FIG4: variants seen among roughly 807,000 people sequenced by gnomAD.
The protein encoded by FIG4 is FIG4 phosphoinositide 5-phosphatase, also known as polyphosphoinositide phosphatase.
In FIG4, 112 loss-of-function variants were observed where a neutral mutation model predicts 118.6. That is an observed-to-expected ratio of 0.94 (90% CI 0.81 to 1.11). The LOEUF is 1.11. Ranked by LOEUF, FIG4 falls within the 50% of genes least tolerant of loss-of-function variation. The pLI is 0.00. For missense variants in FIG4, 969 were observed against 1,111.7 expected, an observed-to-expected ratio of 0.87 and a Z score of 1.83; for synonymous variants, 369 against 381.2, an observed-to-expected ratio of 0.97 and a Z score of 0.37.
At chr6:109,737,219 G>A (rs1776184864) in intron 6 of FIG4, among the ~76,000 whole-genome samples, 1 of 152,138 alleles carries the variant, frequency 6.6e-6, no homozygotes, top group South Asian at 2.1e-4. Context: ...ATAAGAAATG[G>A]AGTGAGGGTA....
chr6:109,774,970 AT>A (rs964543319), intron 15 of FIG4, among the ~76,000 whole-genome samples: 2 of 152,094 alleles, frequency 1.3e-5, no homozygotes, highest in African/African-American at 4.8e-5. Context: ...TCAAAAATGA[AT>A]TTTTTTCTCT....
chr6:109,710,715 A>T (rs1775230971), intron 1 of FIG4, among the ~76,000 whole-genome samples: 1 of 152,078 alleles, frequency 6.6e-6, no homozygotes. Context: ...GGGACGGTGT[A>T]TATGTCCAGG....
chr6:109,787,250 T>C (rs186091211), intron 18 of FIG4, among the ~76,000 whole-genome samples: 1 of 152,334 alleles, frequency 6.6e-6, no homozygotes, highest in East Asian at 1.9e-4. Context: ...TTACTTGTTA[T>C]ATTTTATACT....
Position 109,776,799 on chromosome 6 carries a change from T to C in FIG4, c.1751-123T>C. 4.0e-6 allele frequency: 3 copies of C among 754,380 alleles called. No homozygotes were observed. In the South Asian group the frequency reaches 4.6e-5, roughly 12 times the overall value. 46.7% of individuals were successfully genotyped at this position (754,380 alleles called of 1,614,324 possible). A position where few individuals can be genotyped will look rare whatever the true frequency, so the allele number is the denominator to read the frequency against. On this transcript the variant is annotated intron_variant, in intron 15 of 22. Transcript: ENST00000230124. ...CTTATGTGTGTGTGTATGAAGTATT[T>C]GTATTTGTATGTATTTGAACTATAA...
intron 16 of FIG4, among the ~76,000 whole-genome samples, chr6:109,782,387 A>C (rs1002676294): frequency 3.3e-5 from 5 of 152,206 alleles, no homozygotes; most frequent in African/African-American, 1.2e-4. Flanking sequence ...CTCACCCAAA[A>C]GACTTGGAAT....
chr6:109,742,303 T>C (rs932425976), intron 8 of FIG4, among the ~76,000 whole-genome samples: 4 of 152,102 alleles, frequency 2.6e-5, no homozygotes, highest in Non-Finnish European at 5.9e-5. Flanking sequence ...TTTGTCTTTT[T>C]TGCCCATACT....
chr6:109,739,555 T>C (rs1245350491), intron 7 of FIG4, among the ~76,000 whole-genome samples: 3 of 152,134 alleles, frequency 2.0e-5, no homozygotes, highest in Non-Finnish European at 4.4e-5. Context: ...AAAGAAACTT[T>C]TGCTTCTTCA....
intron 21 of FIG4, among the ~76,000 whole-genome samples, chr6:109,794,338 C>G (rs949900124): frequency 2.0e-4 from 31 of 152,102 alleles, no homozygotes; most frequent in Admixed American, 1.9e-3. Flanking sequence ...TTAGGCTGTT[C>G]CCTCCTTTTT....
At chr6:109,819,941 C>A (rs563627595) in intron 22 of FIG4, among the ~76,000 whole-genome samples, 1 of 152,148 alleles carries the variant, frequency 6.6e-6, no homozygotes, top group East Asian at 1.9e-4. Context: ...CTACCATATG[C>A]CAAGGAAAAA....
chr6:109,791,522 C>A lies in FIG4; in HGVS notation c.2327C>A (p.Ser776Tyr). 1 of 1,614,012 alleles carries A rather than the reference C, an allele frequency of 6.2e-7. No homozygotes were observed. Among genetic ancestry groups the A allele is most frequent in the Non-Finnish European group, 8.5e-7 (1 of 1,180,030 alleles). ...REEEGSVSQR[S>Y]TPVKMTDAGD... ...GAAGAGGGCTCTGTGTCTCAGCGCT[C>A]CACTCCCGTGAAGATGACTGATGCA... Residue 776 changes from serine to tyrosine, a missense_variant, in exon 20 of 23, where the codon TCC becomes TAC. By Grantham distance (144) the Ser-to-Tyr change is moderately radical (BLOSUM62 -2). This residue lies in a region of FIG4 where 330 missense variants were observed against 348.1 expected (regional missense o/e 0.95). Transcript: ENST00000230124.
At chr6:109,763,229 C>G (rs866981230) in intron 12 of FIG4, among the ~76,000 whole-genome samples, 2 of 152,316 alleles carry the variant, frequency 1.3e-5, no homozygotes, top group Non-Finnish European at 1.5e-5. Flanking sequence ...GTTAGTCACT[C>G]TTATCAGTTC....
chr6:109,781,249 C>T (rs1777792503), intron 16 of FIG4, among the ~76,000 whole-genome samples: 1 of 152,154 alleles, frequency 6.6e-6, no homozygotes, highest in African/African-American at 2.4e-5. Context: ...ACAAGATTTC[C>T]TCATCCACTT....
At chr6:109,738,082 GA>G (rs1390988373) in intron 6 of FIG4, among the ~76,000 whole-genome samples, 1 of 152,096 alleles carries the variant, frequency 6.6e-6, no homozygotes, top group Non-Finnish European at 1.5e-5. Flanking sequence ...TCACAAGTCA[GA>G]AAAGGGATTT....
At chr6:109,796,031 G>T (rs777743848) in intron 21 of FIG4, among the ~76,000 whole-genome samples, 1 of 152,216 alleles carries the variant, frequency 6.6e-6, no homozygotes, top group Admixed American at 6.5e-5. Context: ...ATGCACTCCA[G>T]AAAGCTGCTG....
chr6:109,716,040 T>C (rs1775419143), intron 2 of FIG4, among the ~76,000 whole-genome samples: 1 of 152,162 alleles, frequency 6.6e-6, no homozygotes, highest in African/African-American at 2.4e-5. Context: ...TTGGCTTTAT[T>C]TGGAGATCGG....
In FIG4 at chr6:109,760,302, C is replaced by CTG; in HGVS notation, c.1193_1194dup (p.Thr399Ter). ...ATTCTGAGTGAAGAACTTGTTGCTGCTGTGACCTATCTCAACCAATTTTTG... is the reference window on the plus strand; with the variant it reads ...ATTCTGAGTGAAGAACTTGTTGCTGCTGTGTGACCTATCTCAACCAATTTTTG... On this transcript the variant is annotated frameshift_variant, in exon 11 of 23. Transcript: ENST00000230124. LOFTEE classifies it high-confidence loss of function. The CTG allele has an allele frequency of 6.2e-7, 1 of 1,613,138 alleles. No homozygotes were observed. Among genetic ancestry groups the CTG allele is most frequent in the Non-Finnish European group, 8.5e-7 (1 of 1,179,122 alleles).
intron 18 of FIG4, 114 bp downstream of exon 18, chr6:109,786,563 G>T: frequency 8.7e-7 from 1 of 1,155,740 alleles, no homozygotes; most frequent in Non-Finnish European, 1.3e-6. Flanking sequence ...TGTCAGGTGG[G>T]TAGTCCACCT....
intron 15 of FIG4, among the ~76,000 whole-genome samples, chr6:109,772,417 T>G (rs1777493699): frequency 6.6e-6 from 1 of 152,180 alleles, no homozygotes; most frequent in South Asian, 2.1e-4. Context: ...TTTATCTAAA[T>G]GTCTACCTAG....
intron 11 of FIG4, among the ~76,000 whole-genome samples, chr6:109,761,010 T>G (rs540638662): frequency 6.6e-6 from 1 of 152,338 alleles, no homozygotes; most frequent in Non-Finnish European, 1.5e-5. Context: ...TGCATTGTCT[T>G]TTTGTTCACT....
Sources: allele counts gnomAD v4.1 joint callset (sites outside exome capture counted in the v4.1 genomes callset), GRCh38; gene constraint gnomAD v4.1.1; regional missense constraint gnomAD v4.1.1; transcripts MANE v1.5; gene names NCBI Gene and HGNC (gene_info 2026-07-23, HGNC 2026-07-21).